Variants in MMP16 observed in about 807,000 individuals in gnomAD.
MMP16 encodes matrix metalloproteinase-16.
MMP16 carries 12 observed loss-of-function variants against 67.8 expected under a neutral mutation model. The observed-to-expected ratio is 0.18, with a 90% CI of 0.11 to 0.29. The LOEUF (loss-of-function observed/expected upper bound fraction) is 0.29. Ranked by LOEUF, MMP16 falls within the 10% of genes least tolerant of loss-of-function variation. The probability of loss-of-function intolerance (pLI) is 1.00; values close to 1 mark genes in which losing one functional copy is unlikely to be tolerated. For missense variants in MMP16, 475 were observed against 765.7 expected (o/e 0.62, Z 4.48); for synonymous variants, 249 against 255.9 (o/e 0.97, Z 0.26).
At position 88,248,126 on chromosome 8, in the gene MMP16, T is replaced by C. The variant is rs544730352; in HGVS notation, c.133-50820A>G. Among the ~76,000 whole-genome samples the C allele has an allele frequency of 2.0e-5, 3 of 152,154 alleles. 1 individual carries two copies. In the South Asian group the frequency reaches 6.2e-4, roughly 32 times the overall value. ...AGGCTGGGGCTGCATTAGCTGACAG[T>C]CTGTCATCATCTACCCACTTATGCA... On this transcript the variant is annotated intron_variant, in intron 1 of 9. Transcript: ENST00000286614.
At chr8:88,149,592 C>G (rs576998267) in intron 4 of MMP16, among the ~76,000 whole-genome samples, 12 of 152,108 alleles carry the variant, frequency 7.9e-5, no homozygotes, top group African/African-American at 2.9e-4. Flanking sequence ...CACCCCCCAG[C>G]AGGGGCACAC....
At chr8:88,268,394 T>G (rs547967429) in intron 1 of MMP16, among the ~76,000 whole-genome samples, 28 of 152,184 alleles carry the variant, frequency 1.8e-4, no homozygotes, top group Admixed American at 6.5e-4. Flanking sequence ...AAAAATTCAT[T>G]CATTCGTCTA....
At chr8:88,122,601 G>A (rs914482319) in intron 4 of MMP16, among the ~76,000 whole-genome samples, 2 of 151,846 alleles carry the variant, frequency 1.3e-5, no homozygotes, top group South Asian at 2.1e-4. Context: ...CACCAAACAT[G>A]TGATTAGTAG....
intron 6 of MMP16, among the ~76,000 whole-genome samples, chr8:88,083,157 A>C (rs2118315627): frequency 6.6e-6 from 1 of 152,232 alleles, no homozygotes; most frequent in South Asian, 2.1e-4. Context: ...TTAATGTTAC[A>C]TTTGGATTAG....
chr8:88,088,085 T>TATATAATAGATATCTATATATCC, intron 6 of MMP16, among the ~76,000 whole-genome samples: 1 of 1,096 alleles, frequency 9.1e-4, no homozygotes, highest in South Asian at 0.02. Context: ...TATATATCTA[T>TATATAATAGATATCTATATATCC]ATATAATAGA....
intron 4 of MMP16, among the ~76,000 whole-genome samples, chr8:88,124,935 A>T (rs917736708): frequency 6.6e-6 from 1 of 151,920 alleles, no homozygotes; most frequent in African/African-American, 2.4e-5. Flanking sequence ...TCTTCTTATA[A>T]GTAAACTAAT....
chr8:88,108,673 TA>T (rs1372326214), intron 6 of MMP16, among the ~76,000 whole-genome samples: 1 of 151,348 alleles, frequency 6.6e-6, no homozygotes, highest in Non-Finnish European at 1.5e-5. Flanking sequence ...ACACTATTCA[TA>T]AAACTGTCAA....
Position 88,041,563 on chromosome 8 carries a change from G to A in MMP16, c.1722C>T (p.Ala574=), listed in dbSNP as rs776842947. The A allele has an allele frequency of 6.2e-7, 1 of 1,614,148 alleles. No individual in the cohort carries two copies. Among genetic ancestry groups the A allele is most frequent in the Non-Finnish European group, 8.5e-7 (1 of 1,180,010 alleles). Reference sequence around the variant, plus strand: ...TGTAAACCAATACAAGGAGGCATAAGGCCAAGATGCAGGGAATGACAATAG... The same window carrying A: ...TGTAAACCAATACAAGGAGGCATAAAGCCAAGATGCAGGGAATGACAATAG... The part of the protein sequence containing the change: ...AIAIVIPCIL[A]LCLLVLVYTV... Residue 574 remains alanine (A), a synonymous_variant, in exon 10 of 10, where the codon GCC becomes GCT. Coordinates refer to ENST00000286614, the MANE Select transcript of MMP16 (RefSeq NM_005941.5). The surrounding 1 kb of genome is among the most constrained non-coding windows in gnomAD (Gnocchi z 6.0).
intron 1 of MMP16, among the ~76,000 whole-genome samples, chr8:88,318,991 G>A (rs991088021): frequency 6.6e-6 from 1 of 152,076 alleles, no homozygotes; most frequent in Non-Finnish European, 1.5e-5. Context: ...AAAGGAGACT[G>A]CTTGGCAGTG....
intron 1 of MMP16, among the ~76,000 whole-genome samples, chr8:88,303,898 TCTCCTCCAAATGA>T (rs1811172276): frequency 6.6e-6 from 1 of 152,072 alleles, no homozygotes; most frequent in African/African-American, 2.4e-5. Context: ...CCAGAGTGCT[TCTCCTCCAAATGA>T]CTCCAGCAAA....
At chr8:88,077,368 T>C (rs958511617) in intron 6 of MMP16, among the ~76,000 whole-genome samples, 9 of 152,202 alleles carry the variant, frequency 5.9e-5, no homozygotes, top group African/African-American at 2.2e-4. Context: ...TAGGTCTCTG[T>C]GCAAATTTTC....
At chr8:88,265,461 T>C (rs925754047) in intron 1 of MMP16, among the ~76,000 whole-genome samples, 2 of 152,064 alleles carry the variant, frequency 1.3e-5, no homozygotes, top group African/African-American at 4.8e-5. Flanking sequence ...CATAGTTTAA[T>C]GGGAGAGAAT....
At chr8:88,185,787 C>A (rs1809063290) in intron 3 of MMP16, among the ~76,000 whole-genome samples, 1 of 152,110 alleles carries the variant, frequency 6.6e-6, no homozygotes, top group Non-Finnish European at 1.5e-5. Flanking sequence ...ATTTCTCTTG[C>A]ATCCTGTCCT....
At chr8:88,081,360 T>A (rs1563526114) in intron 6 of MMP16, among the ~76,000 whole-genome samples, 1 of 152,290 alleles carries the variant, frequency 6.6e-6, no homozygotes, top group Non-Finnish European at 1.5e-5. Flanking sequence ...AAGCAAACTA[T>A]CAGAATTTCT....
At chr8:88,287,168 C>T (rs1236052183) in intron 1 of MMP16, among the ~76,000 whole-genome samples, 3 of 152,322 alleles carry the variant, frequency 2.0e-5, no homozygotes, top group East Asian at 1.9e-4. Context: ...TTAACAAGTT[C>T]TGCGTGCTCT....
chr8:88,116,704 T>C lies in MMP16; in HGVS notation c.886A>G (p.Ile296Val), dbSNP rs1238848286. The C allele has an allele frequency of 6.2e-7, 1 of 1,613,300 alleles. No individual in the cohort carries two copies. Among genetic ancestry groups the C allele is most frequent in the Admixed American group, 1.7e-5 (1 of 59,950 alleles). ...GGTAGAGGTCTTGTAGGTGGAGGAA[T>C]CTTGTCAGGTGGACCTTTTGAAAAT... ...IQKIYGPPDK[I>V]PPPTRPLPTV... The change falls in exon 6 of 10, where the codon ATT becomes GTT. Residue 296 changes from isoleucine (I) to valine (V), a missense_variant. Transcript: ENST00000286614.
intron 1 of MMP16, among the ~76,000 whole-genome samples, chr8:88,250,993 G>T (rs1002467096): frequency 7.2e-6 from 1 of 139,156 alleles, no homozygotes; most frequent in African/African-American, 2.7e-5. Flanking sequence ...TGATCTCATT[G>T]TTCAATTCCC....
chr8:88,240,666 C>G (rs1030061523), intron 1 of MMP16, among the ~76,000 whole-genome samples: 1 of 152,104 alleles, frequency 6.6e-6, no homozygotes, highest in African/African-American at 2.4e-5. Context: ...GTCTAGAGAA[C>G]CACTCATTAG....
intron 8 of MMP16, among the ~76,000 whole-genome samples, chr8:88,052,605 TA>T (rs1808284590): frequency 6.6e-6 from 1 of 152,198 alleles, no homozygotes; most frequent in African/African-American, 2.4e-5. Context: ...GTACTTAGAA[TA>T]AAATTCAAAC....
Sources: allele counts gnomAD v4.1 joint callset (sites outside exome capture counted in the v4.1 genomes callset), GRCh38; gene constraint gnomAD v4.1.1; non-coding constraint Gnocchi (gnomAD v3.1); transcripts MANE v1.5; gene names NCBI Gene and HGNC (gene_info 2026-07-23, HGNC 2026-07-21).